EPG5: variants seen among roughly 807,000 people sequenced by gnomAD.
The protein encoded by EPG5 is ectopic P-granules 5 autophagy tethering factor, also known as ectopic P granules protein 5 homolog.
In EPG5, 159 loss-of-function variants were observed where a neutral mutation model predicts 302.7. The observed-to-expected ratio is 0.53, with a 90% confidence interval of 0.46 to 0.60. The LOEUF is 0.60. Ranked by LOEUF, EPG5 falls within the 20% of genes least tolerant of loss-of-function variation. The pLI is 0.00. For missense variants in EPG5, 2,896 were observed against 3,092.4 expected (o/e 0.94, Z 1.51); for synonymous variants, 1,158 against 1,136.8 (o/e 1.02, Z -0.37).
At position 45,934,896 on chromosome 18, in the gene EPG5, A is replaced by G. The variant is rs1172470852; in HGVS notation, c.2170T>C (p.Phe724Leu). The G allele has an allele frequency of 6.2e-7, 1 of 1,614,218 alleles. No homozygotes were observed. The highest frequency in any genetic ancestry group is 2.2e-5 in the East Asian group (1 of 44,884). Residue 724 changes from phenylalanine (F) to leucine (L), a missense_variant, in exon 11 of 44, where the codon TTC becomes CTC. Coordinates refer to ENST00000282041, the MANE Select transcript of EPG5 (RefSeq NM_020964.3). ...CTCTCCACCTGGTGCATGAGGTAGA[A>G]GAGCTTCCACAGCATTTGCACAGAC... ...TLSVQMLWKL[F>L]YLMHQVESEN...
At chr18:45,901,565 G>A (rs1002410225) in intron 25 of EPG5, among the ~76,000 whole-genome samples, 2 of 152,232 alleles carry the variant, frequency 1.3e-5, no homozygotes, top group South Asian at 2.1e-4. Flanking sequence ...AGGAATAAGC[G>A]TTATGGAATA....
At chr18:45,917,312 T>A (rs2050055328) in intron 17 of EPG5, among the ~76,000 whole-genome samples, 1 of 152,228 alleles carries the variant, frequency 6.6e-6, no homozygotes, top group Non-Finnish European at 1.5e-5. Flanking sequence ...ATGTGCACTG[T>A]AAACAATTTA....
In EPG5 at chr18:45,967,071, C is replaced by CA. The variant is rs1294538001; in HGVS notation, c.63+105dup. The CA allele has an allele frequency of 8.2e-6, 9 of 1,101,714 alleles. No individual in the cohort carries two copies. The African/African-American group carries it at 1.3e-4, about 16-fold the overall frequency. 68.2% of individuals were successfully genotyped at this position (1,101,714 alleles called of 1,614,324 possible). ...TATTGGAAGGTGGAGGCGGAAGATG[C>CA]AGAGGGCTCAGGGAACGGGAGTAGA... On this transcript the variant is annotated intron_variant, in intron 1 of 43. Transcript: ENST00000282041.
chr18:45,833,701 G>T, the EPG5 span, among the ~76,000 whole-genome samples: 1 of 152,190 alleles, frequency 6.6e-6, no homozygotes, highest in Admixed American at 6.5e-5. Context: ...TTCTCAAAAA[G>T]AGTTTACTGC....
the EPG5 span, among the ~76,000 whole-genome samples, chr18:45,820,804 T>C: frequency 2.6e-5 from 4 of 152,192 alleles, no homozygotes; most frequent in African/African-American, 9.7e-5. Context: ...CTTGTGCAGG[T>C]TATATACCAC....
chr18:45,838,933 A>G, the EPG5 span: 1 of 1,604,364 alleles, frequency 6.2e-7, no homozygotes, highest in Middle Eastern at 1.7e-4. Context: ...CTACACGTGT[A>G]CGGCCGCCAA....
In EPG5 at chr18:45,943,252, T is replaced by A; in HGVS notation, c.1852A>T (p.Asn618Tyr). 6.2e-7 allele frequency: 1 copy of A among 1,614,150 alleles called. No individual in the cohort carries two copies. Among genetic ancestry groups the A allele is most frequent in the East Asian group, 2.2e-5 (1 of 44,870 alleles). Residue 618 changes from asparagine (N) to tyrosine (Y), a missense_variant, in exon 9 of 44, where the codon AAC becomes TAC. Physicochemically the swap from Asn to Tyr is moderately radical, Grantham distance 143. Around this residue, in one of 5 missense-constraint regions of EPG5, gnomAD observed 1,390 missense variants for 1,430.0 expected, o/e 0.97. Transcript: ENST00000282041. ...ACAGCCAGAAGTTCCACTAGTGAGT[T>A]GGCAAAGGCAAAAATTTTCATCATC... ...QEMMKIFAFANSLVELLAVGL... is the reference protein window; with the variant it reads ...QEMMKIFAFAYSLVELLAVGL...
intron 20 of EPG5, 140 bp downstream of exon 20, chr18:45,915,371 G>A: frequency 1.5e-6 from 1 of 645,912 alleles, no homozygotes; most frequent in Non-Finnish European, 2.7e-6. Context: ...CTACTGTAAA[G>A]ATTAAATGAA....
In EPG5 at chr18:45,928,901, T is replaced by C. The variant is rs1568163677; in HGVS notation, c.2521A>G (p.Arg841Gly). 1 of 1,614,032 alleles carries C rather than the reference T, an allele frequency of 6.2e-7. No homozygotes were observed. Among genetic ancestry groups the C allele is most frequent in the East Asian group, 2.2e-5 (1 of 44,872 alleles). ...HPEIISVLLD[R>G]VQETIDQVGM... is the part of the protein sequence containing the mutation. ...ACCTGGTCAATGGTCTCTTGAACTC[T>C]ATCCAGAAGGACGGAAATTATCTCA... Residue 841 changes from arginine (R) to glycine (G), a missense_variant, in exon 13 of 44, where the codon AGA (arginine) becomes GGA (glycine). Arg to Gly is a moderately radical substitution (Grantham distance 125, BLOSUM62 -2). This residue lies in a region of EPG5 where 1,390 missense variants were observed against 1,430.0 expected (regional missense o/e 0.97). Coordinates refer to ENST00000282041, the MANE Select transcript of EPG5 (RefSeq NM_020964.3).
chr18:45,950,417 C>T (rs2050881749), intron 4 of EPG5, among the ~76,000 whole-genome samples: 1 of 152,172 alleles, frequency 6.6e-6, no homozygotes, highest in Non-Finnish European at 1.5e-5. Context: ...GAATAAGTCT[C>T]ACGAGATCTG....
chr18:45,911,628 A>T (rs570813013), intron 22 of EPG5, among the ~76,000 whole-genome samples: 2 of 151,832 alleles, frequency 1.3e-5, no homozygotes, highest in South Asian at 2.1e-4. Context: ...GTAGAGACAG[A>T]GTTTCACCAT....
At chr18:45,958,414 A>G (rs2051077311) in intron 1 of EPG5, among the ~76,000 whole-genome samples, 1 of 152,262 alleles carries the variant, frequency 6.6e-6, no homozygotes, top group Admixed American at 6.5e-5. Context: ...CGCACTTGGC[A>G]ATTCCAAAAT....
intron 24 of EPG5, 85 bp from the exon 25 acceptor site, chr18:45,904,202 C>A (rs1252165682): frequency 1.4e-6 from 2 of 1,474,232 alleles, no homozygotes; most frequent in Non-Finnish European, 1.8e-6. Flanking sequence ...TAAAGTGAAC[C>A]AGTAAGTTTC....
intron 39 of EPG5, among the ~76,000 whole-genome samples, chr18:45,860,927 G>A (rs769273316): frequency 6.6e-6 from 1 of 152,102 alleles, no homozygotes; most frequent in Non-Finnish European, 1.5e-5. Context: ...AAAAAAAATT[G>A]GAGGTAAAGA....
Position 45,860,215 on chromosome 18 carries a change from T to C in EPG5, c.6898A>G (p.Met2300Val), listed in dbSNP as rs1397620563. 1.9e-6 allele frequency: 3 copies of C among 1,614,218 alleles called. No individual in the cohort carries two copies. Among genetic ancestry groups the C allele is most frequent in the South Asian group, 1.1e-5 (1 of 91,080 alleles). Residue 2300 changes from methionine (M) to valine (V), a missense_variant, in exon 40 of 44, where the codon ATG (methionine) becomes GTG (valine). This residue lies in a region of EPG5 where 620 missense variants were observed against 704.2 expected (regional missense o/e 0.88). Coordinates refer to ENST00000282041, the MANE Select transcript of EPG5 (RefSeq NM_020964.3). ...GSIRTWIGQK[M>V]HGLVVLPLLT... ...AGGGGCAGCACCACCAGCCCATGCA[T>C]TTTTTGGCCAATCCAGGTCCGGATA...
At chr18:45,899,300 C>T (rs1744634592) in intron 27 of EPG5, 104 bp downstream of exon 27, 2 of 1,328,718 alleles carry the variant, frequency 1.5e-6, no homozygotes, top group Admixed American at 4.0e-5. Context: ...ATGTTTGGGA[C>T]ACAGACAGTG....
Position 45,910,598 on chromosome 18 carries a change from G to A in EPG5, c.4128C>T (p.Gly1376=), listed in dbSNP as rs1044845172. The change falls in exon 23 of 44, where the codon GGC becomes GGT. Residue 1376 remains glycine, a synonymous_variant. Coordinates refer to ENST00000282041, the MANE Select transcript of EPG5 (RefSeq NM_020964.3). ...AGTGGCTCTCTGGCAGCCCTTCACT[G>A]CCCTCTGCTGGAACACGGAGGGCCT... ...ASKALRVPAE[G]SEGLPESHSG... 2.5e-6 allele frequency: 4 copies of A among 1,613,966 alleles called. No individual in the cohort carries two copies. The African/African-American group carries it at 5.3e-5, about 22-fold the overall frequency.
chr18:45,960,785 T>C (rs1336869815), intron 1 of EPG5, among the ~76,000 whole-genome samples: 3 of 151,976 alleles, frequency 2.0e-5, no homozygotes, highest in Non-Finnish European at 4.4e-5. Context: ...TCATACACAC[T>C]TTAAGCAATG....
At chr18:45,837,967 G>T in the EPG5 span, 4 of 1,404,278 alleles carry the variant, frequency 2.8e-6, no homozygotes, top group East Asian at 9.0e-5. Flanking sequence ...CAAGGGCTAC[G>T]TGGGTGCCAG....
Sources: allele counts gnomAD v4.1 joint callset (sites outside exome capture counted in the v4.1 genomes callset), GRCh38; gene constraint gnomAD v4.1.1; regional missense constraint gnomAD v4.1.1; transcripts MANE v1.5; gene names NCBI Gene and HGNC (gene_info 2026-07-23, HGNC 2026-07-21).